Variants in DNAAF5 observed in about 807,000 individuals in gnomAD.
DNAAF5 encodes the protein dynein axonemal assembly factor 5.
In DNAAF5, 64 loss-of-function variants were observed where a neutral mutation model predicts 75.8. The observed-to-expected ratio is 0.84, with a 90% CI of 0.69 to 1.04. The LOEUF (loss-of-function observed/expected upper bound fraction) is 1.04, where lower values mean the gene tolerates loss of function less well. DNAAF5 is among the 50% of genes least tolerant of loss of function. DNAAF5 has a pLI of 0.00. For missense variants in DNAAF5, 1,269 were observed against 1,178.5 expected, an observed-to-expected ratio of 1.08 and a Z score of -1.12; for synonymous variants, 657 against 557.2, an observed-to-expected ratio of 1.18 and a Z score of -2.52.
chr7:777,730 C>T (rs948173050), intron 11 of DNAAF5, among the ~76,000 whole-genome samples: 2 of 152,220 alleles, frequency 1.3e-5, no homozygotes, highest in South Asian at 2.1e-4. Flanking sequence ...ACTTCACACT[C>T]TGTGTACTGG....
chr7:740,994 G>C, intron 3 of DNAAF5, 51 bp downstream of exon 3: 3 of 1,594,160 alleles, frequency 1.9e-6, no homozygotes, highest in Non-Finnish European at 2.6e-6. Flanking sequence ...GTCATGTGTA[G>C]CAGTGGTGGT....
chr7:744,522 A>T (rs1782021881), intron 4 of DNAAF5, among the ~76,000 whole-genome samples: 1 of 152,356 alleles, frequency 6.6e-6, no homozygotes, highest in South Asian at 2.1e-4. Flanking sequence ...TCAAAAGAAG[A>T]CATTTATGCA....
intron 8 of DNAAF5, among the ~76,000 whole-genome samples, chr7:769,500 A>T (rs1009557624): frequency 1.1e-4 from 16 of 151,938 alleles, no homozygotes; most frequent in African/African-American, 3.4e-4. Flanking sequence ...GCCACGGTGC[A>T]GGAGCTTGGC....
chr7:754,843 G>A lies in DNAAF5; in HGVS notation c.1257+22G>A, dbSNP rs755413705. 76 of 1,535,648 alleles carry A rather than the reference G, an allele frequency of 4.9e-5. No individual in the cohort carries two copies. The highest frequency in any genetic ancestry group is 2.5e-4 in the East Asian group (11 of 43,194). ...AAGTGTAAGTGGCCGTATTCCAGTC[G>A]TGGTCGCGGAGCTGTAACTCGAGCT... On this transcript the variant is annotated intron_variant, in intron 5 of 12. Coordinates refer to ENST00000297440, the MANE Select transcript of DNAAF5 (RefSeq NM_017802.4). This position sits in a 1 kb window ranked among gnomAD's most constrained non-coding sequence, Gnocchi z 4.8.
chr7:757,145 C>A lies in DNAAF5; in HGVS notation c.1470+151C>A, dbSNP rs115347978. On this transcript the variant is annotated intron_variant, in intron 6 of 12. Coordinates refer to ENST00000297440, the MANE Select transcript of DNAAF5 (RefSeq NM_017802.4). The stretch of plus-strand genomic sequence containing the variant: ...GACGTGTCTGTGGGTCCGCCCCGTG[C>A]CGCCAGGCCGGGCCATCGGAAACAC... 2.8e-4 allele frequency: 209 copies of A among 734,236 alleles called. 1 individual carries two copies. The African/African-American group carries it at 3.1e-3, about 11-fold the overall frequency. 45.5% of individuals were successfully genotyped at this position (734,236 alleles called of 1,614,324 possible).
intron 12 of DNAAF5, among the ~76,000 whole-genome samples, chr7:782,932 G>A (rs147769195): frequency 6.6e-5 from 10 of 152,376 alleles, no homozygotes; most frequent in African/African-American, 2.4e-4. Context: ...CCCTCCGGCG[G>A]CATCAGAAAC....
chr7:765,699 GT>G (rs967919024), intron 8 of DNAAF5, among the ~76,000 whole-genome samples: 1 of 152,062 alleles, frequency 6.6e-6, no homozygotes. Context: ...AACTGTATGG[GT>G]TTTTTTGTTT....
chr7:749,965 C>G (rs886910043), intron 4 of DNAAF5, among the ~76,000 whole-genome samples: 8 of 152,158 alleles, frequency 5.3e-5, no homozygotes. Context: ...TCCCAAAGTG[C>G]TAGGATTACA....
Position 781,973 on chromosome 7 carries a change from C to A in DNAAF5, c.2431+1829C>A, listed in dbSNP as rs189878593. ...CTGCGGCTGTACTCTGCTCATTCTT[C>A]CCTTTGCTGTGTGGAAGCTTTGGGC... On this transcript the variant is annotated intron_variant, in intron 12 of 12. Coordinates refer to ENST00000297440, the MANE Select transcript of DNAAF5 (RefSeq NM_017802.4). 4.1e-4 allele frequency among the ~76,000 whole-genome samples: 63 copies of A among 152,380 alleles called. 1 individual carries two copies. The highest frequency in any genetic ancestry group is 2.9e-5 in the Non-Finnish European group (2 of 68,034).
Position 740,659 on chromosome 7 carries a change from G to C in DNAAF5, c.781-160G>C, listed in dbSNP as rs77408922. ...CCCAGGACCCCGGCCACGCGCCTCT[G>C]TCTTGGGGATGGCATCTAGGCGGTG... On this transcript the variant is annotated intron_variant, in intron 2 of 12. Coordinates refer to ENST00000297440, the MANE Select transcript of DNAAF5 (RefSeq NM_017802.4). Among the ~76,000 whole-genome samples the C allele has an allele frequency of 0.015, 2,246 of 152,322 alleles. 35 individuals are homozygous for C. Among genetic ancestry groups the C allele is most frequent in the East Asian group, 0.11 (578 of 5,168 alleles).
chr7:770,619 G>A lies in DNAAF5; in HGVS notation c.1931+1G>A. ...CCACGGACACCATCAACTCCCAGGG[G>A]TAGGTCCGGGCTCTGCCTCTGCACG... On this transcript the variant is annotated splice_donor_variant, in intron 9 of 12. Coordinates refer to ENST00000297440, the MANE Select transcript of DNAAF5 (RefSeq NM_017802.4). LOFTEE classifies it high-confidence loss of function. 5 of 1,613,084 alleles carry A rather than the reference G, an allele frequency of 3.1e-6. No homozygotes were observed. Among genetic ancestry groups the A allele is most frequent in the Non-Finnish European group, 4.2e-6 (5 of 1,179,836 alleles).
Position 754,611 on chromosome 7 carries a change from C to T in DNAAF5, c.1047C>T (p.Cys349=). Residue 349 remains cysteine, a synonymous_variant, in exon 5 of 13, where the codon TGC becomes TGT. Coordinates refer to ENST00000297440, the MANE Select transcript of DNAAF5 (RefSeq NM_017802.4). This position sits in a 1 kb window ranked among gnomAD's most constrained non-coding sequence, Gnocchi z 4.8. ...PPHERRPVLG[C]RELVFRNLSK... ...CAGAGCGCCGCCCTGTGCTGGGCTG[C>T]CGGGAGCTCGTCTTCAGGAACCTCT... 6.2e-7 allele frequency: 1 copy of T among 1,614,116 alleles called. No homozygotes were observed. The highest frequency in any genetic ancestry group is 8.5e-7 in the Non-Finnish European group (1 of 1,179,968).
chr7:743,594 G>T (rs1402480439), intron 4 of DNAAF5, among the ~76,000 whole-genome samples: 4 of 151,330 alleles, frequency 2.6e-5, no homozygotes, highest in Non-Finnish European at 5.9e-5. Context: ...GAAATTAGTT[G>T]CAAGCAAGGT....
chr7:753,516 C>T (rs528365590), intron 4 of DNAAF5, among the ~76,000 whole-genome samples: 15 of 152,330 alleles, frequency 9.8e-5, no homozygotes, highest in South Asian at 2.1e-4. Flanking sequence ...CCCACCATGC[C>T]GATGGCTTCG....
At chr7:745,812 G>T (rs980119460) in intron 4 of DNAAF5, among the ~76,000 whole-genome samples, 3 of 152,244 alleles carry the variant, frequency 2.0e-5, no homozygotes, top group Non-Finnish European at 1.5e-5. Context: ...TCCCGGAAGG[G>T]GCTTCCTCCC....
At position 770,548 on chromosome 7, in the gene DNAAF5, A is replaced by T; in HGVS notation, c.1861A>T (p.Met621Leu). The change falls in exon 9 of 13, where the codon ATG (methionine) becomes TTG (leucine). Residue 621 changes from methionine to leucine, a missense_variant. Physicochemically the swap from Met to Leu is conservative, Grantham distance 15. Transcript: ENST00000297440. ...ACLQPSQDPQ[M>L]RLKLFSILST... ...TCTGCAGCCCTCCCAAGACCCGCAGATGCGCCTGAAGCTGTTCTCCATCCT... is the reference window on the plus strand; with the variant it reads ...TCTGCAGCCCTCCCAAGACCCGCAGTTGCGCCTGAAGCTGTTCTCCATCCT... The T allele has an allele frequency of 6.2e-7, 1 of 1,613,944 alleles. No homozygotes were observed. Among genetic ancestry groups the T allele is most frequent in the African/African-American group, 1.3e-5 (1 of 75,062 alleles).
rs200552045 is a variant in DNAAF5 at position 740,958 on chromosome 7, G to T, written c.905+15G>T. On this transcript the variant is annotated intron_variant, in intron 3 of 12. Transcript: ENST00000297440. ...CCTGAGGTCAGGTACGTGGGCAGGC[G>T]GCCGCGGGCCTTGTCTTCCTAAACG... is the stretch of plus-strand genomic sequence containing the variant. 3 of 1,610,736 alleles carry T rather than the reference G, an allele frequency of 1.9e-6. No homozygotes were observed. In the African/African-American group the frequency reaches 4.0e-5, roughly 21 times the overall value.
chr7:773,853 G>T (rs923000015), intron 9 of DNAAF5, among the ~76,000 whole-genome samples, 195 bp from the exon 10 acceptor site: 1 of 152,162 alleles, frequency 6.6e-6, no homozygotes, highest in African/African-American at 2.4e-5. Context: ...CTGTCTCCCC[G>T]GTAGGGTTGG....
chr7:753,413 T>C (rs775272572), intron 4 of DNAAF5, among the ~76,000 whole-genome samples: 33 of 152,196 alleles, frequency 2.2e-4, no homozygotes, highest in Non-Finnish European at 2.9e-4. Context: ...AAAGTGCAGC[T>C]CAGTCACGGG....
Sources: allele counts gnomAD v4.1 joint callset (sites outside exome capture counted in the v4.1 genomes callset), GRCh38; gene constraint gnomAD v4.1.1; non-coding constraint Gnocchi (gnomAD v3.1); transcripts MANE v1.5; gene names NCBI Gene and HGNC (gene_info 2026-07-23, HGNC 2026-07-21).